SERINC1: variants seen among roughly 807,000 people sequenced by gnomAD.
The protein encoded by SERINC1 is tumor differentially expressed protein 2.
A neutral mutation model predicts 52.9 loss-of-function variants in SERINC1; 38 were observed. That is an observed-to-expected ratio of 0.72 (90% CI 0.55 to 0.94). The LOEUF is 0.94. SERINC1 is among the 40% of genes least tolerant of loss of function. The pLI is 0.00. For synonymous variants in SERINC1, 198 were observed against 183.1 expected (o/e 1.08, Z -0.66); for missense variants, 471 against 533.9 (o/e 0.88, Z 1.16).
chr6:122,471,738 C>A lies in SERINC1; in HGVS notation c.-1G>T. On this transcript the variant is annotated 5_prime_UTR_variant, in exon 1 of 10. Coordinates refer to ENST00000339697, the MANE Select transcript of SERINC1 (RefSeq NM_020755.4). ...AGCACAGCCCCAGGACGCTCCCCAT[C>A]TCCACAACGTCACAAGAGCAGCGGA... 2 of 1,614,170 alleles carry A rather than the reference C, an allele frequency of 1.2e-6. No homozygotes were observed. The highest frequency in any genetic ancestry group is 1.7e-6 in the Non-Finnish European group (2 of 1,180,004).
chr6:122,458,516 T>C lies in SERINC1; in HGVS notation c.201+4A>G. ...TTAATCAATAAATAAGAAACGAGAC[T>C]AACCTTATTCAGTTGTTCTTCCATT... On this transcript the variant is annotated splice_donor_region_variant and intron_variant, in intron 2 of 9. Transcript: ENST00000339697. 1 of 1,607,460 alleles carries C rather than the reference T, an allele frequency of 6.2e-7. No individual in the cohort carries two copies. The highest frequency in any genetic ancestry group is 2.2e-5 in the East Asian group (1 of 44,800).
Position 122,454,867 on chromosome 6 carries a change from TTG to T in SERINC1, c.372-639_372-638del, listed in dbSNP as rs202174329. Among the ~76,000 whole-genome samples the T allele has an allele frequency of 5.8e-4, 89 of 152,290 alleles. 2 individuals carry two copies. In the East Asian group the frequency reaches 0.016, roughly 28 times the overall value. On this transcript the variant is annotated intron_variant, in intron 3 of 9. Coordinates refer to ENST00000339697, the MANE Select transcript of SERINC1 (RefSeq NM_020755.4). ...GCTGCAGAAACGAGGGCTGTAATTG[TTG>T]TGAGTACTTCCTCCTTGTTTTGTCA...
chr6:122,459,130 T>C (rs767402010), intron 1 of SERINC1, among the ~76,000 whole-genome samples: 23 of 152,308 alleles, frequency 1.5e-4, no homozygotes, highest in Non-Finnish European at 3.2e-4. Context: ...ATTGATATAT[T>C]TTCCTTCTTT....
chr6:122,445,113 C>A lies in SERINC1; in HGVS notation c.1293G>T (p.Trp431Cys). 1 of 1,614,070 alleles carries A rather than the reference C, an allele frequency of 6.2e-7. No individual in the cohort carries two copies. The highest frequency in any genetic ancestry group is 8.5e-7 in the Non-Finnish European group (1 of 1,179,962). Residue 431 changes from tryptophan to cysteine, a missense_variant, in exon 10 of 10, where the codon TGG becomes TGT. Trp to Cys is a radical substitution (Grantham distance 215). Coordinates refer to ENST00000339697, the MANE Select transcript of SERINC1 (RefSeq NM_020755.4). ...TAVWVKISSS[W>C]IGIVLYVWTL... Reference sequence around the variant, plus strand: ...TCCAAACATACAGCACGATGCCAATCCAACTGGAAGAGATTTTCACCCAGA... The same window carrying A: ...TCCAAACATACAGCACGATGCCAATACAACTGGAAGAGATTTTCACCCAGA...
At chr6:122,469,813 C>T (rs896838380) in intron 1 of SERINC1, among the ~76,000 whole-genome samples, 2 of 152,168 alleles carry the variant, frequency 1.3e-5, no homozygotes, top group Admixed American at 6.5e-5. Context: ...CCACCTCATC[C>T]TCCCAAGTGC....
intron 9 of SERINC1, 106 bp downstream of exon 9, chr6:122,446,668 T>C (rs2114473424): frequency 1.4e-6 from 1 of 698,428 alleles, no homozygotes; most frequent in Non-Finnish European, 2.5e-6. Flanking sequence ...CATTTTGAAA[T>C]ATATCAGAGG....
chr6:122,458,715 A>G, intron 1 of SERINC1, 34 bp from the exon 2 acceptor site: 1 of 1,425,500 alleles, frequency 7.0e-7, no homozygotes, highest in South Asian at 1.3e-5. Flanking sequence ...AATATTATTA[A>G]GAATCAGTAA....
At position 122,451,776 on chromosome 6, in the gene SERINC1, AAT is replaced by A. The variant is rs1554211251; in HGVS notation, c.760-24_760-23del. On this transcript the variant is annotated intron_variant, in intron 6 of 9. Coordinates refer to ENST00000339697, the MANE Select transcript of SERINC1 (RefSeq NM_020755.4). ...ATTCCTACAAAAAAAAAAAAAAAAAAATATATATATATATATATAGCAACACA... is the reference window on the plus strand; with the variant it reads ...ATTCCTACAAAAAAAAAAAAAAAAAAATATATATATATATATAGCAACACA... 4.3e-3 allele frequency: 481 copies of A among 112,812 alleles called. 11 individuals carry two copies. In the South Asian group the frequency reaches 0.064, roughly 15 times the overall value. 7.0% of individuals were successfully genotyped at this position (112,812 alleles called of 1,614,324 possible). A position where few individuals can be genotyped will look rare whatever the true frequency, so the allele number is the denominator to read the frequency against.
intron 1 of SERINC1, among the ~76,000 whole-genome samples, 195 bp from the exon 2 acceptor site, chr6:122,458,876 G>A (rs1775050539): frequency 1.3e-5 from 2 of 152,032 alleles, no homozygotes; most frequent in South Asian, 4.1e-4. Flanking sequence ...CTAAGAAGGA[G>A]TAAAGACAAA....
intron 4 of SERINC1, 110 bp from the exon 5 acceptor site, chr6:122,454,017 G>C (rs1774955809): frequency 1.4e-5 from 18 of 1,298,768 alleles, no homozygotes; most frequent in Non-Finnish European, 1.8e-5. Context: ...TGAACATCTT[G>C]ATTTTGCCAA....
intron 4 of SERINC1, 112 bp downstream of exon 4, chr6:122,454,039 C>T: frequency 9.1e-7 from 1 of 1,104,176 alleles, no homozygotes; most frequent in African/African-American, 1.6e-5. Flanking sequence ...TGGGGAAACA[C>T]ACACACACAC....
intron 1 of SERINC1, among the ~76,000 whole-genome samples, chr6:122,466,807 A>T (rs1291803030): frequency 6.6e-6 from 1 of 152,238 alleles, no homozygotes; most frequent in Admixed American, 6.5e-5. Flanking sequence ...AGGAAGCATA[A>T]TATGTGAATA....
chr6:122,453,926 A>C lies in SERINC1; in HGVS notation c.452-19T>G, dbSNP rs1774955001. 2 of 1,563,204 alleles carry C rather than the reference A, an allele frequency of 1.3e-6. No individual in the cohort carries two copies. The highest frequency in any genetic ancestry group is 1.7e-6 in the Non-Finnish European group (2 of 1,155,464). On this transcript the variant is annotated intron_variant, in intron 4 of 9. Transcript: ENST00000339697. ...AACCACACTGAAAGGGAAAGAAAGC[A>C]TACATAAGTGATTGGTTAGTTTGAT...
chr6:122,446,080 G>A (rs982555629), intron 9 of SERINC1, among the ~76,000 whole-genome samples: 27 of 151,896 alleles, frequency 1.8e-4, no homozygotes, highest in African/African-American at 6.3e-4. Flanking sequence ...TTAATATTAT[G>A]CATTAAAAAG....
In SERINC1 at chr6:122,445,172, G is replaced by T; in HGVS notation, c.1234C>A (p.Pro412Thr). The change falls in exon 10 of 10, where the codon CCC becomes ACC. Residue 412 changes from proline (P) to threonine (T), a missense_variant. Pro to Thr is a conservative substitution (Grantham distance 38). Coordinates refer to ENST00000339697, the MANE Select transcript of SERINC1 (RefSeq NM_020755.4). ...MTLTNWYRYEPSREMKSQWTA... is the reference protein window; with the variant it reads ...MTLTNWYRYETSREMKSQWTA... Reference sequence around the variant, plus strand: ...CACTGACTTTTCATCTCACGAGAGGGTTCATACCTAAAATTTCAGGGAAAA... The same window carrying T: ...CACTGACTTTTCATCTCACGAGAGGTTTCATACCTAAAATTTCAGGGAAAA... 1.2e-6 allele frequency: 2 copies of T among 1,610,350 alleles called. No homozygotes were observed. Among genetic ancestry groups the T allele is most frequent in the Non-Finnish European group, 1.7e-6 (2 of 1,179,112 alleles).
intron 1 of SERINC1, among the ~76,000 whole-genome samples, chr6:122,461,958 A>C (rs980838136): frequency 3.5e-4 from 54 of 152,292 alleles, no homozygotes; most frequent in Non-Finnish European, 6.6e-4. Flanking sequence ...AAACATACAC[A>C]AAAAAATTCT....
At chr6:122,468,816 C>T (rs1775227785) in intron 1 of SERINC1, among the ~76,000 whole-genome samples, 1 of 152,034 alleles carries the variant, frequency 6.6e-6, no homozygotes, top group Non-Finnish European at 1.5e-5. Context: ...GCAAAAAATA[C>T]GCACTCAGTA....
chr6:122,462,280 A>T (rs1445980895), intron 1 of SERINC1, among the ~76,000 whole-genome samples: 2 of 152,218 alleles, frequency 1.3e-5, no homozygotes, highest in Admixed American at 6.5e-5. Context: ...TAATGACGAA[A>T]GTCTGAATGC....
chr6:122,462,698 A>C (rs1346406807), intron 1 of SERINC1, among the ~76,000 whole-genome samples: 2 of 152,250 alleles, frequency 1.3e-5, no homozygotes, highest in Non-Finnish European at 2.9e-5. Flanking sequence ...ACATGATAAA[A>C]AGTCAATATA....
Sources: allele counts gnomAD v4.1 joint callset (sites outside exome capture counted in the v4.1 genomes callset), GRCh38; gene constraint gnomAD v4.1.1; transcripts MANE v1.5; gene names NCBI Gene and HGNC (gene_info 2026-07-23, HGNC 2026-07-21).